PGGT1B: variants seen among roughly 807,000 people sequenced by gnomAD.
PGGT1B encodes the protein geranylgeranyl transferase type-1 subunit beta.
A neutral mutation model predicts 46.1 loss-of-function variants in PGGT1B; 30 were observed. That is an observed-to-expected ratio of 0.65 (90% confidence interval 0.49 to 0.88). The LOEUF (loss-of-function observed/expected upper bound fraction) is 0.88, where lower values mean the gene tolerates loss of function less well. PGGT1B is among the 40% of genes least tolerant of loss of function. The pLI is 0.00. For missense variants in PGGT1B, 376 were observed against 455.9 expected, an observed-to-expected ratio of 0.82 and a Z score of 1.60; for synonymous variants, 170 against 160.0, an observed-to-expected ratio of 1.06 and a Z score of -0.47.
chr5:115,253,336 A>C, intron 1 of PGGT1B, 81 bp from the exon 2 acceptor site: 2 of 1,135,306 alleles, frequency 1.8e-6, no homozygotes, highest in Non-Finnish European at 2.4e-6. Flanking sequence ...AAAAATAATA[A>C]AATCATTCTA....
intron 2 of PGGT1B, among the ~76,000 whole-genome samples, chr5:115,242,285 G>A (rs1215159855): frequency 6.6e-6 from 1 of 151,860 alleles, no homozygotes; most frequent in Admixed American, 6.6e-5. Context: ...ATATAAGTTG[G>A]GAACTTGAAA....
At chr5:115,241,427 A>G (rs1209730802) in intron 3 of PGGT1B, 112 bp downstream of exon 3, 7 of 527,922 alleles carry the variant, frequency 1.3e-5, no homozygotes, top group Non-Finnish European at 1.7e-5. Flanking sequence ...GACAACATTT[A>G]GCCACATTGA....
chr5:115,262,166 C>T lies in PGGT1B; in HGVS notation c.140+546G>A, dbSNP rs142864966. ...CGCTTAGTCTCTGCCGCACCACACT[C>T]TTCAGCTATTGCGATACTTTTAACA... On this transcript the variant is annotated intron_variant, in intron 1 of 8. Transcript: ENST00000419445. Among the ~76,000 whole-genome samples, 337 of 152,344 alleles carry T rather than the reference C, an allele frequency of 2.2e-3. 2 individuals are homozygous for T. The highest frequency in any genetic ancestry group is 7.2e-3 in the African/African-American group (298 of 41,574).
intron 5 of PGGT1B, among the ~76,000 whole-genome samples, chr5:115,234,291 T>C (rs1757103312): frequency 1.3e-5 from 2 of 149,828 alleles, no homozygotes; most frequent in Non-Finnish European, 3.0e-5. Flanking sequence ...TTCTCATCAA[T>C]AAGAAATGTA....
At chr5:115,219,254 T>C (rs1373958218) in intron 7 of PGGT1B, among the ~76,000 whole-genome samples, 1 of 151,800 alleles carries the variant, frequency 6.6e-6, no homozygotes, top group Non-Finnish European at 1.5e-5. Context: ...GGCAGCCATA[T>C]AAAACAACAG....
At chr5:115,246,063 C>G (rs1376239421) in intron 2 of PGGT1B, among the ~76,000 whole-genome samples, 1 of 152,052 alleles carries the variant, frequency 6.6e-6, no homozygotes, top group African/African-American at 2.4e-5. Context: ...TAATTTTTCA[C>G]CACTTAGGCC....
At chr5:115,230,495 A>G (rs950563995) in intron 6 of PGGT1B, among the ~76,000 whole-genome samples, 1 of 152,190 alleles carries the variant, frequency 6.6e-6, no homozygotes, top group African/African-American at 2.4e-5. Flanking sequence ...AACATGAAAG[A>G]AAAGACTGTA....
chr5:115,221,991 C>T lies in PGGT1B; in HGVS notation c.676G>A (p.Gly226Ser). ...LESHGGSTFCGIASLCLMGKL... is the reference protein window; with the variant it reads ...LESHGGSTFCSIASLCLMGKL... ...CCCATCAGACATAGTGAGGCAATGC[C>T]ACAAAAAGTTGATCCTCCTGTTAAT... Residue 226 changes from glycine to serine, a missense_variant, in exon 7 of 9, where the codon GGC becomes AGC. Around this residue, in one of 2 missense-constraint regions of PGGT1B, gnomAD observed 222 missense variants for 313.6 expected, o/e 0.71. Coordinates refer to ENST00000419445, the MANE Select transcript of PGGT1B (RefSeq NM_005023.4). The T allele has an allele frequency of 6.4e-7, 1 of 1,569,964 alleles. No homozygotes were observed. The highest frequency in any genetic ancestry group is 8.6e-7 in the Non-Finnish European group (1 of 1,162,496).
At chr5:115,236,576 T>G (rs1295777666) in intron 4 of PGGT1B, 54 bp from the exon 5 acceptor site, 1 of 1,303,056 alleles carries the variant, frequency 7.7e-7, no homozygotes, top group Non-Finnish European at 1.0e-6. Flanking sequence ...TCTGATTTTT[T>G]TGCATGGGGG....
In PGGT1B at chr5:115,207,471, T is replaced by C. The variant is rs909464853; in HGVS notation, c.*4931A>G. On this transcript the variant is annotated 3_prime_UTR_variant, in exon 9 of 9. Coordinates refer to ENST00000419445, the MANE Select transcript of PGGT1B (RefSeq NM_005023.4). ...AAATTCAAAAACAGACAAAACTAATTGATGGTAATTTTGACAGCACTTACC... is the reference window on the plus strand; with the variant it reads ...AAATTCAAAAACAGACAAAACTAATCGATGGTAATTTTGACAGCACTTACC... 4 of 151,704 alleles carry C rather than the reference T, an allele frequency of 2.6e-5. No individual in the cohort carries two copies. Among genetic ancestry groups the C allele is most frequent in the African/African-American group, 7.3e-5 (3 of 41,330 alleles). The allele number at this position is 151,704 out of a possible 1,614,324, so 9.4% of individuals were successfully genotyped here.
chr5:115,253,358 ATTTAAACAATAC>A, intron 1 of PGGT1B, 103 bp from the exon 2 acceptor site: 5 of 964,234 alleles, frequency 5.2e-6, no homozygotes, highest in Non-Finnish European at 5.9e-6. Flanking sequence ...TTTTCCAATA[ATTTAAACAATAC>A]TTCCACCTTG....
At chr5:115,227,567 T>C (rs1322950478) in intron 6 of PGGT1B, among the ~76,000 whole-genome samples, 1 of 152,198 alleles carries the variant, frequency 6.6e-6, no homozygotes, top group African/African-American at 2.4e-5. Context: ...AGTCACAATC[T>C]GGCAGGTGAC....
intron 5 of PGGT1B, among the ~76,000 whole-genome samples, chr5:115,235,366 A>G (rs1757148463): frequency 6.6e-6 from 1 of 152,120 alleles, no homozygotes; most frequent in Non-Finnish European, 1.5e-5. Context: ...GAGCTGGAAA[A>G]TCATCAATGC....
At chr5:115,231,346 G>C (rs1332103824) in intron 5 of PGGT1B, among the ~76,000 whole-genome samples, 1 of 151,880 alleles carries the variant, frequency 6.6e-6, no homozygotes, top group African/African-American at 2.4e-5. Flanking sequence ...AAGTATACGT[G>C]AGCTGGAGGA....
At chr5:115,246,992 G>C (rs1747881106) in intron 2 of PGGT1B, among the ~76,000 whole-genome samples, 1 of 152,126 alleles carries the variant, frequency 6.6e-6, no homozygotes, top group African/African-American at 2.4e-5. Flanking sequence ...AAGTATGCAG[G>C]AAGTGTGTTA....
chr5:115,262,669 G>C, intron 1 of PGGT1B, 43 bp downstream of exon 1: 2 of 1,567,766 alleles, frequency 1.3e-6, no homozygotes, highest in Non-Finnish European at 1.7e-6. Context: ...TTCCGCTGGA[G>C]CCCGGGCCTT....
chr5:115,231,609 C>T (rs958524336), intron 5 of PGGT1B: 1 of 151,974 alleles, frequency 6.6e-6, no homozygotes, highest in Non-Finnish European at 1.5e-5. Context: ...CCCAGCAAGC[C>T]GTCTATTGCA....
intron 3 of PGGT1B, among the ~76,000 whole-genome samples, chr5:115,241,152 T>C (rs1757333837): frequency 6.6e-6 from 1 of 152,328 alleles, no homozygotes; most frequent in Admixed American, 6.5e-5. Context: ...AGTCTTTCTA[T>C]AAACACAACA....
In PGGT1B at chr5:115,230,039, T is replaced by C. The variant is rs541580768; in HGVS notation, c.658+937A>G. On this transcript the variant is annotated intron_variant, in intron 6 of 8. Coordinates refer to ENST00000419445, the MANE Select transcript of PGGT1B (RefSeq NM_005023.4). ...TACAAGGCTATGGGATTAAGGAATA[T>C]TTGTTAGAAATATCTTTTTATACAG... Among the ~76,000 whole-genome samples the C allele has an allele frequency of 9.9e-5, 15 of 152,234 alleles. No homozygotes were observed. The South Asian group carries it at 2.9e-3, about 29-fold the overall frequency.
Sources: allele counts gnomAD v4.1 joint callset (sites outside exome capture counted in the v4.1 genomes callset), GRCh38; gene constraint gnomAD v4.1.1; regional missense constraint gnomAD v4.1.1; transcripts MANE v1.5; gene names NCBI Gene and HGNC (gene_info 2026-07-23, HGNC 2026-07-21).